Variants in ATP2C2 observed in about 807,000 individuals in gnomAD.
The protein encoded by ATP2C2 is calcium-transporting ATPase type 2C member 2.
ATP2C2 carries 171 observed loss-of-function variants against 110.8 expected under a neutral mutation model. The ratio of observed to expected loss-of-function variants is 1.54; its 90% confidence interval spans 1.36 to 1.75. The LOEUF (loss-of-function observed/expected upper bound fraction) is 1.75. ATP2C2 is among the 40% of genes most tolerant of loss of function. The pLI is 0.00. For missense variants in ATP2C2, 1,963 were observed against 1,235.0 expected (o/e 1.59, Z -8.84); for synonymous variants, 804 against 508.4 (o/e 1.58, Z -7.82).
At chr16:84,431,550 G>T (rs1322594969) in intron 11 of ATP2C2, among the ~76,000 whole-genome samples, 5 of 152,066 alleles carry the variant, frequency 3.3e-5, no homozygotes, top group Admixed American at 3.3e-4. Flanking sequence ...GGCCAGGGAG[G>T]GTTATGGGTA....
Position 84,439,160 on chromosome 16 carries a change from A to G in ATP2C2, c.987-6A>G, listed in dbSNP as rs564091352. The G allele has an allele frequency of 3.3e-5, 54 of 1,612,152 alleles. 1 individual carries two copies. Among genetic ancestry groups the G allele is most frequent in the Middle Eastern group, 4.5e-4 (2 of 4,440 alleles). On this transcript the variant is annotated splice_region_variant and splice_polypyrimidine_tract_variant and intron_variant, in intron 11 of 26. Transcript: ENST00000262429. ...TAGAGGGGACTCATTTGACCTTTCGATCCAGCCTGGCTGTGGCGGCCATTC... is the reference window on the plus strand; with the variant it reads ...TAGAGGGGACTCATTTGACCTTTCGGTCCAGCCTGGCTGTGGCGGCCATTC...
At chr16:84,398,130 C>T (rs1905104106) in intron 1 of ATP2C2, among the ~76,000 whole-genome samples, 1 of 151,616 alleles carries the variant, frequency 6.6e-6, no homozygotes. Context: ...TGGCCGGGCG[C>T]AGTGGCTCCA....
chr16:84,451,257 A>C (rs2150581660), intron 17 of ATP2C2, among the ~76,000 whole-genome samples: 1 of 152,256 alleles, frequency 6.6e-6, no homozygotes, highest in African/African-American at 2.4e-5. Flanking sequence ...TTGTGGGGAA[A>C]ACCACCCCAT....
chr16:84,368,549 G>A lies in ATP2C2; in HGVS notation c.-67G>A, dbSNP rs1909760139. The A allele has an allele frequency of 1.1e-5, 14 of 1,288,050 alleles. No individual in the cohort carries two copies. The highest frequency in any genetic ancestry group is 1.3e-5 in the South Asian group (1 of 77,202). 79.8% of individuals were successfully genotyped at this position (1,288,050 alleles called of 1,614,324 possible). A position where few individuals can be genotyped will look rare whatever the true frequency, so the allele number is the denominator to read the frequency against. ...ACCGGGTCCGGCCCAGGAGGCTTGG[G>A]CGCGCGCAGCCATCCCGGGCCTCGC... On this transcript the variant is annotated 5_prime_UTR_variant, in exon 1 of 27. Transcript: ENST00000262429.
chr16:84,429,365 C>G (rs1325655512), intron 11 of ATP2C2, among the ~76,000 whole-genome samples: 2 of 152,120 alleles, frequency 1.3e-5, no homozygotes, highest in East Asian at 3.9e-4. Flanking sequence ...GTTGGCTAGG[C>G]TGGTCTTGAA....
intron 21 of ATP2C2, among the ~76,000 whole-genome samples, chr16:84,455,509 A>G (rs1910712664): frequency 2.0e-5 from 3 of 152,224 alleles, no homozygotes; most frequent in Non-Finnish European, 4.4e-5. Context: ...TGGGGCTTGC[A>G]CAAAACTATT....
At chr16:84,381,851 G>T (rs1454878355) in intron 1 of ATP2C2, among the ~76,000 whole-genome samples, 1 of 152,180 alleles carries the variant, frequency 6.6e-6, no homozygotes, top group African/African-American at 2.4e-5. Flanking sequence ...AAAAATCCCT[G>T]TAGAAATCTG....
At chr16:84,454,742 G>C in intron 20 of ATP2C2, 76 bp from the exon 21 acceptor site, 2 of 1,443,336 alleles carry the variant, frequency 1.4e-6, no homozygotes, top group Non-Finnish European at 1.8e-6. Context: ...TCTGTGGCTG[G>C]CCACAGGGTG....
intron 1 of ATP2C2, among the ~76,000 whole-genome samples, 173 bp from the exon 2 acceptor site, chr16:84,398,326 A>G (rs1905114576): frequency 6.6e-6 from 1 of 152,144 alleles, no homozygotes. Context: ...GAATCTCTTG[A>G]ACCCGGTAAG....
At chr16:84,415,365 G>C (rs1906737547) in intron 6 of ATP2C2, 118 bp from the exon 7 acceptor site, 1 of 826,570 alleles carries the variant, frequency 1.2e-6, no homozygotes, top group Non-Finnish European at 2.1e-6. Context: ...CAAAGGCACA[G>C]GGTTGGTGTA....
chr16:84,405,000 C>G, intron 2 of ATP2C2, 128 bp from the exon 3 acceptor site: 1 of 825,978 alleles, frequency 1.2e-6, no homozygotes, highest in Non-Finnish European at 2.1e-6. Flanking sequence ...GTCCCAGCAC[C>G]TTGGTGGACA....
At chr16:84,422,793 G>C in intron 9 of ATP2C2, 96 bp downstream of exon 9, 1 of 1,265,070 alleles carries the variant, frequency 7.9e-7, no homozygotes, top group Non-Finnish European at 1.1e-6. Flanking sequence ...TTAGGAATGA[G>C]TGGCATGTGG....
At chr16:84,409,289 G>C (rs560573987) in intron 4 of ATP2C2, among the ~76,000 whole-genome samples, 1 of 152,118 alleles carries the variant, frequency 6.6e-6, no homozygotes, top group Non-Finnish European at 1.5e-5. Flanking sequence ...TCACACACTC[G>C]GGCCTTTCAT....
At chr16:84,449,699 C>T (rs562859873) in intron 17 of ATP2C2, among the ~76,000 whole-genome samples, 3 of 152,318 alleles carry the variant, frequency 2.0e-5, no homozygotes, top group East Asian at 1.9e-4. Flanking sequence ...GGGGCTGTGG[C>T]GTCCCTCCTG....
intron 15 of ATP2C2, among the ~76,000 whole-genome samples, chr16:84,443,467 C>T (rs982365696): frequency 6.6e-6 from 1 of 152,320 alleles, no homozygotes; most frequent in Admixed American, 6.5e-5. Flanking sequence ...AAAAGCCCGA[C>T]TCAGGGTGCT....
At chr16:84,416,371 G>C (rs892804835) in intron 7 of ATP2C2, among the ~76,000 whole-genome samples, 1 of 152,228 alleles carries the variant, frequency 6.6e-6, no homozygotes, top group Non-Finnish European at 1.5e-5. Flanking sequence ...TGTAAGGACT[G>C]TTCAAAGCTT....
At chr16:84,384,917 T>C (rs1567686874) in intron 1 of ATP2C2, among the ~76,000 whole-genome samples, 1 of 152,068 alleles carries the variant, frequency 6.6e-6, no homozygotes, top group Non-Finnish European at 1.5e-5. Flanking sequence ...GGCTTGGTGA[T>C]GCATGCCTGT....
chr16:84,460,010 C>A (rs139811715), intron 23 of ATP2C2: 1 of 228,420 alleles, frequency 4.4e-6, no homozygotes, highest in Non-Finnish European at 8.8e-6. Context: ...TGTGCGTAAC[C>A]GTATGAGCAC....
chr16:84,395,097 G>T (rs1904890563), intron 1 of ATP2C2, among the ~76,000 whole-genome samples: 1 of 152,142 alleles, frequency 6.6e-6, no homozygotes, highest in Admixed American at 6.5e-5. Flanking sequence ...CTCGTGAACT[G>T]TGCTGCTGTG....
Sources: gnomAD v4.1 joint callset for allele counts (sites outside exome capture counted in the v4.1 genomes callset) on GRCh38, gnomAD v4.1.1 for gene constraint, MANE v1.5 for transcripts, NCBI Gene and HGNC (gene_info 2026-07-23, HGNC 2026-07-21) for gene names.